Variants in APBA1 observed in about 807,000 individuals in gnomAD.
APBA1 encodes amyloid beta precursor protein binding family A member 1.
A neutral mutation model predicts 86.6 loss-of-function variants in APBA1; 55 were observed. The ratio of observed to expected loss-of-function variants is 0.64; its 90% CI spans 0.51 to 0.80. APBA1 has a LOEUF of 0.80. Ranked by LOEUF, APBA1 falls within the 30% of genes least tolerant of loss-of-function variation. APBA1 has a pLI of 0.00. For missense variants in APBA1, 1,090 were observed against 1,183.0 expected (o/e 0.92, Z 1.15); for synonymous variants, 511 against 493.9 (o/e 1.03, Z -0.46).
At chr9:69,540,156 CAAAA>C (rs151288294) in intron 1 of APBA1, among the ~76,000 whole-genome samples, 1 of 147,254 alleles carries the variant, frequency 6.8e-6, no homozygotes, top group African/African-American at 2.7e-5. Flanking sequence ...ACAACAACAA[CAAAA>C]GTCACCTTAT....
chr9:69,447,733 A>T (rs1834933739), intron 10 of APBA1, among the ~76,000 whole-genome samples: 1 of 152,190 alleles, frequency 6.6e-6, no homozygotes, highest in Admixed American at 6.5e-5. Flanking sequence ...ATGGGTACAA[A>T]ATAGTACCTG....
intron 1 of APBA1, among the ~76,000 whole-genome samples, chr9:69,603,887 A>C (rs1246924090): frequency 2.0e-5 from 3 of 152,244 alleles, no homozygotes. Context: ...TCTCTAACAG[A>C]GAACGGCCTC....
At chr9:69,618,582 C>G (rs1381760798) in intron 1 of APBA1, among the ~76,000 whole-genome samples, 2 of 152,142 alleles carry the variant, frequency 1.3e-5, no homozygotes, top group African/African-American at 2.4e-5. Flanking sequence ...CATACTCAAC[C>G]AAGGCTGATG....
At chr9:69,454,975 G>A (rs534924309) in intron 8 of APBA1, among the ~76,000 whole-genome samples, 1 of 152,286 alleles carries the variant, frequency 6.6e-6, no homozygotes, top group Non-Finnish European at 1.5e-5. Flanking sequence ...CTTGTCCTGT[G>A]CTGCTTTCTA....
At chr9:69,554,012 C>T (rs1836825647) in intron 1 of APBA1, among the ~76,000 whole-genome samples, 1 of 152,070 alleles carries the variant, frequency 6.6e-6, no homozygotes, top group Non-Finnish European at 1.5e-5. Flanking sequence ...CAATTGAGCA[C>T]AAAGGTGACA....
intron 10 of APBA1, among the ~76,000 whole-genome samples, chr9:69,446,586 C>T (rs1834912256): frequency 6.6e-6 from 1 of 152,232 alleles, no homozygotes; most frequent in African/African-American, 2.4e-5. Context: ...GCTTTGCTTC[C>T]ACCTTGATGC....
intron 1 of APBA1, among the ~76,000 whole-genome samples, chr9:69,614,979 G>A (rs1157056110): frequency 2.6e-5 from 4 of 152,112 alleles, no homozygotes; most frequent in African/African-American, 4.8e-5. Context: ...CTGGCAGATC[G>A]CTTGAGGTCA....
chr9:69,519,570 T>G (rs569444092), intron 1 of APBA1, among the ~76,000 whole-genome samples: 1 of 152,336 alleles, frequency 6.6e-6, no homozygotes, highest in African/African-American at 2.4e-5. Flanking sequence ...AAACACAAAG[T>G]GAGCATTCAC....
At chr9:69,495,971 C>T (rs1835788166) in intron 2 of APBA1, among the ~76,000 whole-genome samples, 1 of 152,080 alleles carries the variant, frequency 6.6e-6, no homozygotes, top group African/African-American at 2.4e-5. Context: ...TATGGCAAGC[C>T]AGCGACACCA....
At chr9:69,449,517 G>T in intron 10 of APBA1, 67 bp downstream of exon 10, 1 of 1,391,504 alleles carries the variant, frequency 7.2e-7, no homozygotes, top group South Asian at 1.2e-5. Context: ...TTAATGACTG[G>T]ATGGGGGTCA....
intron 2 of APBA1, among the ~76,000 whole-genome samples, chr9:69,493,444 A>G (rs1350437615): frequency 3.3e-5 from 5 of 152,028 alleles, no homozygotes; most frequent in Non-Finnish European, 5.9e-5. Flanking sequence ...TTTTTCATAC[A>G]GCCTTCTTAG....
chr9:69,655,589 A>T (rs1295626333), intron 1 of APBA1, among the ~76,000 whole-genome samples: 1 of 152,116 alleles, frequency 6.6e-6, no homozygotes, highest in Non-Finnish European at 1.5e-5. Context: ...TAGAAGACAC[A>T]AATGAATGAA....
rs144204154 is a variant in APBA1 at position 69,551,328 on chromosome 9, C to T, written c.-69-34049G>A. 5.7e-3 allele frequency among the ~76,000 whole-genome samples: 874 copies of T among 152,032 alleles called. 6 individuals are homozygous for T. The highest frequency in any genetic ancestry group is 0.02 in the African/African-American group (838 of 41,490). ...CAGCACTTTGGGAGGCTGAGGTGGG[C>T]GGAACATGAGGTCAGGAGTTCGAGA... On this transcript the variant is annotated intron_variant, in intron 1 of 12. Transcript: ENST00000265381.
intron 1 of APBA1, among the ~76,000 whole-genome samples, chr9:69,518,516 GTC>G (rs1447003656): frequency 6.6e-6 from 1 of 152,124 alleles, no homozygotes; most frequent in Non-Finnish European, 1.5e-5. Context: ...TTTGGTTTCA[GTC>G]TCTCTCAATT....
chr9:69,431,708 A>AT (rs1453510225), intron 12 of APBA1, among the ~76,000 whole-genome samples: 2 of 152,244 alleles, frequency 1.3e-5, no homozygotes, highest in Admixed American at 6.5e-5. Flanking sequence ...AAAATGGAGG[A>AT]AGGGCTCCAG....
intron 1 of APBA1, among the ~76,000 whole-genome samples, chr9:69,539,048 T>C (rs1375183859): frequency 6.6e-6 from 1 of 152,240 alleles, no homozygotes; most frequent in Non-Finnish European, 1.5e-5. Context: ...CTCCTGTTGC[T>C]TCCCCATCTC....
chr9:69,431,801 T>C (rs577450110), intron 12 of APBA1, among the ~76,000 whole-genome samples: 16 of 152,268 alleles, frequency 1.1e-4, no homozygotes, highest in South Asian at 2.1e-4. Flanking sequence ...GCAGTGATGA[T>C]TGATAGCAGT....
chr9:69,531,582 G>A (rs918958806), intron 1 of APBA1, among the ~76,000 whole-genome samples: 1 of 152,016 alleles, frequency 6.6e-6, no homozygotes, highest in African/African-American at 2.4e-5. Context: ...TGCCTTATGT[G>A]TCCCACAGAC....
chr9:69,560,388 C>A (rs1164029869), intron 1 of APBA1, among the ~76,000 whole-genome samples: 3 of 152,204 alleles, frequency 2.0e-5, no homozygotes, highest in South Asian at 2.1e-4. Context: ...CATGCCCACA[C>A]CACACTTAGT....
Sources: gnomAD v4.1 joint callset for allele counts (sites outside exome capture counted in the v4.1 genomes callset) on GRCh38, gnomAD v4.1.1 for gene constraint, MANE v1.5 for transcripts, NCBI Gene and HGNC (gene_info 2026-07-23, HGNC 2026-07-21) for gene names.